The following ITSN2 variants were observed in gnomAD, a reference collection of about 807,000 sequenced individuals.
ITSN2 encodes intersectin 2.
ITSN2 carries 156 observed loss-of-function variants against 243.7 expected under a neutral mutation model. The ratio of observed to expected loss-of-function variants is 0.64; its 90% CI spans 0.56 to 0.73. ITSN2 has a LOEUF of 0.73. Ranked by LOEUF, ITSN2 falls within the 30% of genes least tolerant of loss-of-function variation. ITSN2 has a pLI of 0.00. For synonymous variants in ITSN2, 703 were observed against 699.9 expected, an observed-to-expected ratio of 1.00 and a Z score of -0.07; for missense variants, 1,801 against 1,996.1, an observed-to-expected ratio of 0.90 and a Z score of 1.86.
At chr2:24,231,802 C>T (rs999722134) in intron 29 of ITSN2, among the ~76,000 whole-genome samples, 1 of 152,160 alleles carries the variant, frequency 6.6e-6, no homozygotes, top group African/African-American at 2.4e-5. Context: ...AAAGTCCTTG[C>T]CCATTTGGAG....
intron 2 of ITSN2, among the ~76,000 whole-genome samples, chr2:24,319,606 G>T (rs528683866): frequency 2.0e-5 from 3 of 152,280 alleles, no homozygotes; most frequent in South Asian, 2.1e-4. Flanking sequence ...AAACAAGTGG[G>T]ACTAATTTGG....
intron 29 of ITSN2, among the ~76,000 whole-genome samples, chr2:24,226,941 C>T (rs1406615485): frequency 6.6e-6 from 1 of 152,002 alleles, no homozygotes; most frequent in Non-Finnish European, 1.5e-5. Flanking sequence ...AGAGATGAAA[C>T]CCCATCTCTA....
Position 24,213,915 on chromosome 2 carries a change from C to T in ITSN2, c.3991-1167G>A, listed in dbSNP as rs527754290. 7.2e-5 allele frequency among the ~76,000 whole-genome samples: 11 copies of T among 152,244 alleles called. No homozygotes were observed. In the East Asian group the frequency reaches 1.2e-3, roughly 16 times the overall value. On this transcript the variant is annotated intron_variant, in intron 32 of 39. Transcript: ENST00000355123. ...ATCATTTTTGCATCCCTGAGATCAT[C>T]GTAAGGAAAAATACGATAATCATTT...
intron 29 of ITSN2, 48 bp from the exon 30 acceptor site, chr2:24,221,114 T>C: frequency 6.4e-7 from 1 of 1,564,842 alleles, no homozygotes; most frequent in Non-Finnish European, 8.6e-7. Flanking sequence ...GTCAACTTTG[T>C]AGAAAATAGA....
chr2:24,313,054 T>C (rs1683448957), intron 4 of ITSN2, among the ~76,000 whole-genome samples: 1 of 151,848 alleles, frequency 6.6e-6, no homozygotes, highest in African/African-American at 2.4e-5. Context: ...CTCAATAAAA[T>C]TTATTTTCCA....
At chr2:24,337,409 G>A (rs1253643242) in intron 1 of ITSN2, among the ~76,000 whole-genome samples, 1 of 142,282 alleles carries the variant, frequency 7.0e-6, no homozygotes, top group Non-Finnish European at 1.5e-5. Context: ...GGAGTGCAGT[G>A]GCATGATCTC....
chr2:24,333,769 C>T (rs1222387143), intron 1 of ITSN2, among the ~76,000 whole-genome samples: 2 of 152,092 alleles, frequency 1.3e-5, no homozygotes, highest in Non-Finnish European at 2.9e-5. Context: ...CACACTAAGA[C>T]AGAAAAAAGT....
chr2:24,271,780 G>A lies in ITSN2; in HGVS notation c.2243C>T (p.Ala748Val). 6.3e-7 allele frequency: 1 copy of A among 1,582,540 alleles called. No homozygotes were observed. Among genetic ancestry groups the A allele is most frequent in the Non-Finnish European group, 8.5e-7 (1 of 1,170,132 alleles). The change falls in exon 19 of 40, where the codon GCT becomes GTT. Residue 748 changes from alanine (A) to valine (V), a missense_variant. This residue lies in a region of ITSN2 where 787 missense variants were observed against 803.9 expected (regional missense o/e 0.98). Coordinates refer to ENST00000355123, the MANE Select transcript of ITSN2 (RefSeq NM_006277.3). ...KQRKDKDTLKAEEKKRETASV... is the reference protein window; with the variant it reads ...KQRKDKDTLKVEEKKRETASV... The stretch of plus-strand genomic sequence containing the variant: ...CTTATCCTTACGTTTTTTCTCCTCA[G>A]CTTTCAAAGTATCCTTATCCTTACG...
At chr2:24,336,448 T>G (rs1206834876) in intron 1 of ITSN2, among the ~76,000 whole-genome samples, 1 of 152,144 alleles carries the variant, frequency 6.6e-6, no homozygotes, top group Non-Finnish European at 1.5e-5. Context: ...AGTCCAAACT[T>G]CTTAGTATGA....
At chr2:24,228,873 A>T (rs188435970) in intron 29 of ITSN2, among the ~76,000 whole-genome samples, 2 of 152,360 alleles carry the variant, frequency 1.3e-5, no homozygotes, top group Admixed American at 1.3e-4. Context: ...GCTCTGGATT[A>T]AAAATCAGGT....
intron 29 of ITSN2, among the ~76,000 whole-genome samples, chr2:24,224,983 C>T (rs1374496861): frequency 6.6e-6 from 1 of 152,174 alleles, no homozygotes; most frequent in African/African-American, 2.4e-5. Flanking sequence ...CCTACCCTCA[C>T]TTCCAGATGC....
At chr2:24,260,954 C>T (rs1490542375) in intron 22 of ITSN2, 152 bp downstream of exon 22, 12 of 491,446 alleles carry the variant, frequency 2.4e-5, no homozygotes, top group Non-Finnish European at 3.8e-5. Context: ...ATAGTCATTT[C>T]TTCAACTTCA....
chr2:24,341,685 G>A (rs552059776), intron 1 of ITSN2, among the ~76,000 whole-genome samples: 1 of 152,092 alleles, frequency 6.6e-6, no homozygotes, highest in African/African-American at 2.4e-5. Flanking sequence ...CCGGTCTCAC[G>A]GTCAACATGG....
chr2:24,343,164 T>C (rs1411478830), intron 1 of ITSN2, among the ~76,000 whole-genome samples: 1 of 150,822 alleles, frequency 6.6e-6, no homozygotes, highest in African/African-American at 2.4e-5. Flanking sequence ...ATAAGTACAA[T>C]GTTAATGCCT....
intron 15 of ITSN2, among the ~76,000 whole-genome samples, chr2:24,291,413 G>A (rs1230522275): frequency 1.3e-5 from 2 of 152,074 alleles, no homozygotes; most frequent in Admixed American, 6.5e-5. Context: ...ACAGGCATGA[G>A]CCACAGTGTC....
chr2:24,273,835 A>G (rs1451190227), intron 18 of ITSN2: 1 of 152,272 alleles, frequency 6.6e-6, no homozygotes, highest in Non-Finnish European at 1.5e-5. Flanking sequence ...CAAAGAGGCC[A>G]CAACTAAAAT....
chr2:24,332,347 T>C (rs549060214), intron 1 of ITSN2, among the ~76,000 whole-genome samples: 1 of 152,100 alleles, frequency 6.6e-6, no homozygotes, highest in African/African-American at 2.4e-5. Flanking sequence ...CTGGATACAG[T>C]TTGGCTTGGG....
intron 17 of ITSN2, among the ~76,000 whole-genome samples, chr2:24,281,050 C>A (rs1678707898): frequency 1.3e-5 from 2 of 152,148 alleles, no homozygotes; most frequent in Admixed American, 1.3e-4. Flanking sequence ...TTTTCTGAGA[C>A]AGAGTTTTGC....
intron 23 of ITSN2, among the ~76,000 whole-genome samples, chr2:24,255,276 G>C (rs1235793113): frequency 6.6e-6 from 1 of 152,218 alleles, no homozygotes; most frequent in African/African-American, 2.4e-5. Context: ...GCCTAGCACA[G>C]TGCATGCATA....
Sources: allele counts gnomAD v4.1 joint callset (sites outside exome capture counted in the v4.1 genomes callset), GRCh38; gene constraint gnomAD v4.1.1; regional missense constraint gnomAD v4.1.1; transcripts MANE v1.5; gene names NCBI Gene and HGNC (gene_info 2026-07-23, HGNC 2026-07-21).